The following ADAMTSL4 variants were observed in gnomAD, a reference collection of about 807,000 sequenced individuals.
ADAMTSL4 encodes ADAMTS like 4, also known as ADAMTS-like protein 4.
A neutral mutation model predicts 122.8 loss-of-function variants in ADAMTSL4; 97 were observed. The ratio of observed to expected loss-of-function variants is 0.79; its 90% CI spans 0.67 to 0.93. The LOEUF is 0.93. Ranked by LOEUF, ADAMTSL4 falls within the 40% of genes least tolerant of loss-of-function variation. The pLI is 0.00. For missense variants in ADAMTSL4, 1,408 were observed against 1,453.5 expected, an observed-to-expected ratio of 0.97 and a Z score of 0.51; for synonymous variants, 592 against 568.0, an observed-to-expected ratio of 1.04 and a Z score of -0.60.
intron 2 of ADAMTSL4, chr1:150,551,891 CAAA>C (rs199813152): frequency 1.1e-3 from 127 of 118,542 alleles, no homozygotes; most frequent in Middle Eastern, 1.5e-3. Context: ...ATCTCCATCT[CAAA>C]AAAAAAAAAA....
In ADAMTSL4 at chr1:150,559,651, G is replaced by C; in HGVS notation, c.2944-110G>C. 1 of 1,590,836 alleles carries C rather than the reference G, an allele frequency of 6.3e-7. No homozygotes were observed. The highest frequency in any genetic ancestry group is 1.3e-5 in the African/African-American group (1 of 74,704). On this transcript the variant is annotated intron_variant, in intron 17 of 18. Coordinates refer to ENST00000271643, the MANE Select transcript of ADAMTSL4 (RefSeq NM_019032.6). This position sits in a 1 kb window ranked among gnomAD's most constrained non-coding sequence, Gnocchi z 4.1. ...CCCTCTCCATTTGGGATTTCACAATGTCCTAGGAGGGTCCCCACCACCACC... is the reference window on the plus strand; with the variant it reads ...CCCTCTCCATTTGGGATTTCACAATCTCCTAGGAGGGTCCCCACCACCACC...
intron 2 of ADAMTSL4, chr1:150,550,940 G>T: frequency 2.2e-6 from 1 of 456,328 alleles, no homozygotes; most frequent in Non-Finnish European, 4.4e-6. Context: ...TCAGCAATGC[G>T]AGGGCTCCCT....
Position 150,557,643 on chromosome 1 carries a change from C to G in ADAMTSL4, c.2177+20C>G, listed in dbSNP as rs373438207. 6.3e-6 allele frequency: 10 copies of G among 1,594,368 alleles called. No homozygotes were observed. The highest frequency in any genetic ancestry group is 8.5e-6 in the Non-Finnish European group (10 of 1,170,600). On this transcript the variant is annotated intron_variant, in intron 13 of 18. Transcript: ENST00000271643. ...CCCATAGTGAGTATGGGGGAGCCCACGGGGAGGGTTAGGGTACTGGAAACA... is the reference window on the plus strand; with the variant it reads ...CCCATAGTGAGTATGGGGGAGCCCAGGGGGAGGGTTAGGGTACTGGAAACA...
rs1231199112 is a variant in ADAMTSL4, at chr1:150,558,614, A to T, written c.2524A>T (p.Thr842Ser). The T allele has an allele frequency of 6.2e-7, 1 of 1,613,844 alleles. No individual in the cohort carries two copies. Residue 842 changes from threonine to serine, a missense_variant, in exon 15 of 19, where the codon ACT (threonine) becomes TCT (serine). Transcript: ENST00000271643. ...SREACDMGPC[T>S]TAWFHSDWSS... ...AGAGGCCTGTGACATGGGGCCCTGT[A>T]CTACTGCCTGGTTCCACAGCGACTG...
At position 150,552,065 on chromosome 1, in the gene ADAMTSL4, G is replaced by A; in HGVS notation, c.-84-140G>A. The stretch of plus-strand genomic sequence containing the variant: ...GTAGCCTCTACAGATGGACAAGGCA[G>A]TGATCCTCCCTGCTCCCACCCTGAG... On this transcript the variant is annotated intron_variant, in intron 2 of 18. Coordinates refer to ENST00000271643, the MANE Select transcript of ADAMTSL4 (RefSeq NM_019032.6). The surrounding 1 kb of genome is among the most constrained non-coding windows in gnomAD (Gnocchi z 4.0). 1.7e-6 allele frequency: 1 copy of A among 595,940 alleles called. No individual in the cohort carries two copies. Among genetic ancestry groups the A allele is most frequent in the Non-Finnish European group, 3.0e-6 (1 of 331,870 alleles). 36.9% of individuals were successfully genotyped at this position (595,940 alleles called of 1,614,324 possible).
rs762383955 is a variant in ADAMTSL4, at chr1:150,553,667, C to A, written c.676C>A (p.Pro226Thr). 3.1e-6 allele frequency: 5 copies of A among 1,613,432 alleles called. No individual in the cohort carries two copies. In the East Asian group the frequency reaches 1.1e-4, roughly 36 times the overall value. The change falls in exon 6 of 19, where the codon CCC becomes ACC. Residue 226 changes from proline (P) to threonine (T), a missense_variant. Transcript: ENST00000271643. Reference sequence around the variant, plus strand: ...AGAACTGTCTGTCCACACCCCATCCCCCCAAGCAGAACCTCTAAGCCCTGA... The same window carrying A: ...AGAACTGTCTGTCCACACCCCATCCACCCAAGCAGAACCTCTAAGCCCTGA... ...PTELSVHTPS[P>T]QAEPLSPETA...
In ADAMTSL4 at chr1:150,559,738, T is replaced by C; in HGVS notation, c.2944-23T>C. 1 of 1,613,732 alleles carries C rather than the reference T, an allele frequency of 6.2e-7. No homozygotes were observed. The highest frequency in any genetic ancestry group is 1.3e-5 in the African/African-American group (1 of 75,000). On this transcript the variant is annotated intron_variant, in intron 17 of 18. Coordinates refer to ENST00000271643, the MANE Select transcript of ADAMTSL4 (RefSeq NM_019032.6). The surrounding 1 kb of genome is among the most constrained non-coding windows in gnomAD (Gnocchi z 4.1). ...AATCCCGGGCCTGGCAAAGGTCTGA[T>C]ATGATGGCTGGGGTCGCCCCAGTGT...
At position 150,558,079 on chromosome 1, in the gene ADAMTSL4, G is replaced by C. The variant is rs187309656; in HGVS notation, c.2312G>C (p.Arg771Pro). ...CCGGAGCGCTGTGGACATCTCCCCC[G>C]GCCCAACATCACCCAGTCTTGCCAG... The part of the protein sequence containing the change: ...VPPERCGHLP[R>P]PNITQSCQLR... The change falls in exon 14 of 19, where the codon CGG becomes CCG. Residue 771 changes from arginine to proline, a missense_variant. By Grantham distance (103) the Arg-to-Pro change is moderately radical. Transcript: ENST00000271643. 1 of 1,613,050 alleles carries C rather than the reference G, an allele frequency of 6.2e-7. No homozygotes were observed. The highest frequency in any genetic ancestry group is 1.3e-5 in the African/African-American group (1 of 74,928).
At position 150,552,737 on chromosome 1, in the gene ADAMTSL4, TGCC is replaced by T; in HGVS notation, c.78+138_78+140del. The T allele has an allele frequency of 1.5e-6, 2 of 1,333,010 alleles. No individual in the cohort carries two copies. Among genetic ancestry groups the T allele is most frequent in the Non-Finnish European group, 2.1e-6 (2 of 949,742 alleles). The allele number at this position is 1,333,010 out of a possible 1,614,324, so 82.6% of individuals were successfully genotyped here. On this transcript the variant is annotated intron_variant, in intron 4 of 18. Coordinates refer to ENST00000271643, the MANE Select transcript of ADAMTSL4 (RefSeq NM_019032.6). The surrounding 1 kb of genome is among the most constrained non-coding windows in gnomAD (Gnocchi z 4.0). ...CTCCCCTGCCAACTCCCCAGTTCCT[TGCC>T]TCATAACACCAAGAGGCCGAGGTGT...
rs921678535 is a variant in ADAMTSL4, at chr1:150,552,812, C to T, written c.79-86C>T. 9.7e-6 allele frequency: 14 copies of T among 1,435,950 alleles called. No individual in the cohort carries two copies. Among genetic ancestry groups the T allele is most frequent in the African/African-American group, 1.4e-5 (1 of 71,594 alleles). 89.0% of individuals were successfully genotyped at this position (1,435,950 alleles called of 1,614,324 possible). ...TGTGACCTTGGACTGGTAGCGACTC[C>T]GTGAGCCTCAGTGTTGGTCTACATG... On this transcript the variant is annotated intron_variant, in intron 4 of 18. Transcript: ENST00000271643. The surrounding 1 kb of genome is among the most constrained non-coding windows in gnomAD (Gnocchi z 4.0).
rs1267128330 is a variant in ADAMTSL4 at position 150,549,867 on chromosome 1, G to C, written c.-113G>C. 1.5e-5 allele frequency: 3 copies of C among 200,166 alleles called. No homozygotes were observed. Among genetic ancestry groups the C allele is most frequent in the Non-Finnish European group, 3.2e-5 (3 of 95,196 alleles). 12.4% of individuals were successfully genotyped at this position (200,166 alleles called of 1,614,324 possible). A position where few individuals can be genotyped will look rare whatever the true frequency, so the allele number is the denominator to read the frequency against. The stretch of plus-strand genomic sequence containing the variant: ...TGTCCCCCACTGCACTCCTGAACTT[G>C]GAGGACAGGGTCGCCGCGAGGGACG... On this transcript the variant is annotated 5_prime_UTR_variant, in exon 2 of 19. Transcript: ENST00000271643. This position sits in a 1 kb window ranked among gnomAD's most constrained non-coding sequence, Gnocchi z 5.0.
Position 150,552,010 on chromosome 1 carries a change from G to T in ADAMTSL4, c.-84-195G>T. On this transcript the variant is annotated intron_variant, in intron 2 of 18. Coordinates refer to ENST00000271643, the MANE Select transcript of ADAMTSL4 (RefSeq NM_019032.6). This position sits in a 1 kb window ranked among gnomAD's most constrained non-coding sequence, Gnocchi z 4.0. Reference sequence around the variant, plus strand: ...GCCCAGAGGTGGGGACTGAGCCTTAGTTGGAGGGCTGAGGTCAGCCCCTGA... The same window carrying T: ...GCCCAGAGGTGGGGACTGAGCCTTATTTGGAGGGCTGAGGTCAGCCCCTGA... The T allele has an allele frequency of 2.0e-6, 1 of 503,820 alleles. No individual in the cohort carries two copies. Among genetic ancestry groups the T allele is most frequent in the Non-Finnish European group, 3.5e-6 (1 of 283,546 alleles). The allele number at this position is 503,820 out of a possible 1,614,324, so 31.2% of individuals were successfully genotyped here.
In ADAMTSL4 at chr1:150,560,603, C is replaced by T. The variant is rs745843292; in HGVS notation, c.*407C>T. On this transcript the variant is annotated 3_prime_UTR_variant, in exon 19 of 19. Coordinates refer to ENST00000271643, the MANE Select transcript of ADAMTSL4 (RefSeq NM_019032.6). ...TCTCCCCACCAACTCCAGTTTTGTGCCCTAAGCCTCATTTCTCATGTTCAG... is the reference window on the plus strand; with the variant it reads ...TCTCCCCACCAACTCCAGTTTTGTGTCCTAAGCCTCATTTCTCATGTTCAG... 3.9e-6 allele frequency: 1 copy of T among 258,820 alleles called. No individual in the cohort carries two copies. The highest frequency in any genetic ancestry group is 7.7e-6 in the Non-Finnish European group (1 of 130,332). The allele number at this position is 258,820 out of a possible 1,614,324, so 16.0% of individuals were successfully genotyped here. A position where few individuals can be genotyped will look rare whatever the true frequency, so the allele number is the denominator to read the frequency against.
rs761900262 is a variant in ADAMTSL4, at chr1:150,559,509, C to A, written c.2943+43C>A. 6.2e-7 allele frequency: 1 copy of A among 1,609,856 alleles called. No individual in the cohort carries two copies. Among genetic ancestry groups the A allele is most frequent in the Non-Finnish European group, 8.5e-7 (1 of 1,179,170 alleles). ...CTGTCCTGCCCTGCTCAGCCTGGGCCCCTAGGGGAGGGGAGCTCCTCTCGC... is the reference window on the plus strand; with the variant it reads ...CTGTCCTGCCCTGCTCAGCCTGGGCACCTAGGGGAGGGGAGCTCCTCTCGC... On this transcript the variant is annotated intron_variant, in intron 17 of 18. Coordinates refer to ENST00000271643, the MANE Select transcript of ADAMTSL4 (RefSeq NM_019032.6). The surrounding 1 kb of genome is among the most constrained non-coding windows in gnomAD (Gnocchi z 4.1).
At chr1:150,550,136 G>A (rs1671245405) in intron 2 of ADAMTSL4, 1 of 438,890 alleles carries the variant, frequency 2.3e-6, no homozygotes, top group Non-Finnish European at 4.6e-6. Context: ...GGTCTTCACT[G>A]GGCAGTGTGG....
chr1:150,550,747 G>A (rs904192428), intron 2 of ADAMTSL4: 2 of 456,286 alleles, frequency 4.4e-6, no homozygotes, highest in African/African-American at 4.0e-5. Context: ...AGGGGAAGGA[G>A]TGGCCATCGG....
chr1:150,556,704 GTCT>G lies in ADAMTSL4; in HGVS notation c.1662_1664del (p.Phe555del), dbSNP rs1163826341. The G allele has an allele frequency of 6.2e-7, 1 of 1,614,046 alleles. No individual in the cohort carries two copies. Among genetic ancestry groups the G allele is most frequent in the South Asian group, 1.1e-5 (1 of 91,080 alleles). ...TGGGTCCTACAGGGCCGGCGGGACC[GTCT>G]TTCGATATAACCGTCCTCCCAGGGA... On this transcript the variant is annotated inframe_deletion, in exon 10 of 19. Coordinates refer to ENST00000271643, the MANE Select transcript of ADAMTSL4 (RefSeq NM_019032.6). This position sits in a 1 kb window ranked among gnomAD's most constrained non-coding sequence, Gnocchi z 4.1.
At chr1:150,558,342 C>T in intron 14 of ADAMTSL4, 131 bp from the exon 15 acceptor site, 1 of 1,535,762 alleles carries the variant, frequency 6.5e-7, no homozygotes, top group Non-Finnish European at 8.7e-7. Flanking sequence ...TCAGCCTCCT[C>T]CTCAGCCCAC....
In ADAMTSL4 at chr1:150,558,614, A is replaced by G. The variant is rs1231199112; in HGVS notation, c.2524A>G (p.Thr842Ala). Residue 842 changes from threonine (T) to alanine (A), a missense_variant, in exon 15 of 19, where the codon ACT becomes GCT. Thr to Ala is a moderately conservative substitution (Grantham distance 58). Coordinates refer to ENST00000271643, the MANE Select transcript of ADAMTSL4 (RefSeq NM_019032.6). ...AGAGGCCTGTGACATGGGGCCCTGT[A>G]CTACTGCCTGGTTCCACAGCGACTG... ...SREACDMGPC[T>A]TAWFHSDWSS... 1 of 1,613,844 alleles carries G rather than the reference A, an allele frequency of 6.2e-7. No homozygotes were observed. Among genetic ancestry groups the G allele is most frequent in the African/African-American group, 1.3e-5 (1 of 74,996 alleles).
Sources: allele counts gnomAD v4.1 joint callset, GRCh38; gene constraint gnomAD v4.1.1; non-coding constraint Gnocchi (gnomAD v3.1); transcripts MANE v1.5; gene names NCBI Gene and HGNC (gene_info 2026-07-23, HGNC 2026-07-21).